Variants in COL24A1 observed in about 807,000 individuals in gnomAD.
The protein encoded by COL24A1 is collagen type XXIV alpha 1 chain.
A neutral mutation model predicts 253.9 loss-of-function variants in COL24A1; 224 were observed. That is an observed-to-expected ratio of 0.88 (90% confidence interval 0.79 to 0.99). The LOEUF is 0.99. COL24A1 is among the 50% of genes least tolerant of loss of function. COL24A1 has a pLI of 0.00. For synonymous variants in COL24A1, 685 were observed against 673.7 expected, an observed-to-expected ratio of 1.02 and a Z score of -0.26; for missense variants, 2,131 against 2,068.5, an observed-to-expected ratio of 1.03 and a Z score of -0.59.
At chr1:85,923,090 T>C (rs1194195155) in intron 24 of COL24A1, among the ~76,000 whole-genome samples, 1 of 152,018 alleles carries the variant, frequency 6.6e-6, no homozygotes, top group Non-Finnish European at 1.5e-5. Flanking sequence ...TACATAATGG[T>C]AAAGGGATCA....
intron 45 of COL24A1, 102 bp from the exon 46 acceptor site, chr1:85,818,189 C>T: frequency 4.8e-6 from 4 of 837,020 alleles, no homozygotes; most frequent in Non-Finnish European, 8.0e-6. Context: ...CAAGAACTAG[C>T]ACGAACTAGT....
At chr1:85,915,202 A>T (rs1276482866) in intron 24 of COL24A1, among the ~76,000 whole-genome samples, 1 of 152,208 alleles carries the variant, frequency 6.6e-6, no homozygotes, top group Non-Finnish European at 1.5e-5. Context: ...TCTCCATCTG[A>T]CTGCTTAGGC....
chr1:86,073,049 G>A (rs188336611), intron 7 of COL24A1, among the ~76,000 whole-genome samples: 221 of 152,124 alleles, frequency 1.5e-3, no homozygotes, highest in African/African-American at 4.8e-3. Flanking sequence ...AGAAAATTCC[G>A]AAAACCAGAA....
At chr1:85,881,382 G>T (rs1199788676) in intron 32 of COL24A1, among the ~76,000 whole-genome samples, 1 of 151,974 alleles carries the variant, frequency 6.6e-6, no homozygotes, top group Non-Finnish European at 1.5e-5. Context: ...ATATTGGGAG[G>T]CCGAGGCGGG....
chr1:86,091,574 T>G (rs1299490778), intron 6 of COL24A1, among the ~76,000 whole-genome samples: 1 of 152,146 alleles, frequency 6.6e-6, no homozygotes, highest in Non-Finnish European at 1.5e-5. Flanking sequence ...GATGTCCTCC[T>G]AAGACTCCAT....
intron 18 of COL24A1, among the ~76,000 whole-genome samples, chr1:86,018,415 G>T (rs893744134): frequency 1.3e-5 from 2 of 152,168 alleles, no homozygotes; most frequent in African/African-American, 4.8e-5. Context: ...ATCAGAATCA[G>T]TATACTGAAG....
At chr1:85,958,453 T>A (rs1203539817) in intron 24 of COL24A1, among the ~76,000 whole-genome samples, 3 of 152,134 alleles carry the variant, frequency 2.0e-5, no homozygotes, top group Non-Finnish European at 4.4e-5. Context: ...GACTGTAAAT[T>A]CCATGAAGGT....
intron 53 of COL24A1, among the ~76,000 whole-genome samples, chr1:85,772,910 T>C (rs1668129520): frequency 1.3e-5 from 2 of 152,208 alleles, no homozygotes; most frequent in African/African-American, 4.8e-5. Context: ...TTTGTTGTCA[T>C]TGCTTTTGGT....
intron 24 of COL24A1, among the ~76,000 whole-genome samples, chr1:85,914,785 A>G (rs1197958823): frequency 6.6e-6 from 1 of 152,220 alleles, no homozygotes; most frequent in African/African-American, 2.4e-5. Flanking sequence ...GTTACAGGTT[A>G]TAAAGGAGAA....
intron 18 of COL24A1, among the ~76,000 whole-genome samples, chr1:86,019,544 G>A (rs1358155696): frequency 2.7e-5 from 4 of 148,640 alleles, no homozygotes; most frequent in South Asian, 4.3e-4. Flanking sequence ...AGCAACAGAG[G>A]GAGGCCCTGT....
intron 18 of COL24A1, among the ~76,000 whole-genome samples, chr1:86,019,517 C>T (rs994983277): frequency 6.6e-6 from 1 of 151,758 alleles, no homozygotes; most frequent in Admixed American, 6.6e-5. Flanking sequence ...GTGATGGCAC[C>T]ATTACACTCT....
intron 32 of COL24A1, among the ~76,000 whole-genome samples, chr1:85,888,376 T>C (rs530337961): frequency 6.6e-6 from 1 of 152,226 alleles, no homozygotes; most frequent in Non-Finnish European, 1.5e-5. Flanking sequence ...ATGTTGGCAA[T>C]AGCCCTCATA....
At chr1:86,148,171 G>C (rs138063622) in intron 1 of COL24A1, among the ~76,000 whole-genome samples, 1 of 150,500 alleles carries the variant, frequency 6.6e-6, no homozygotes, top group East Asian at 2.0e-4. Flanking sequence ...GGGGAGTTTT[G>C]TTTTGTTTTT....
At chr1:85,981,965 CT>C (rs1323170867) in intron 20 of COL24A1, among the ~76,000 whole-genome samples, 1 of 152,088 alleles carries the variant, frequency 6.6e-6, no homozygotes, top group Non-Finnish European at 1.5e-5. Flanking sequence ...GATATTTGCA[CT>C]GCTAGGTTCA....
intron 53 of COL24A1, among the ~76,000 whole-genome samples, chr1:85,768,624 T>G (rs773442445): frequency 1.4e-4 from 22 of 151,930 alleles, no homozygotes; most frequent in Non-Finnish European, 1.6e-4. Context: ...TTATGTAGAA[T>G]CACACATATT....
At position 85,784,189 on chromosome 1, in the gene COL24A1, A is replaced by G. The variant is rs370371103; in HGVS notation, c.4168-23T>C. 6 of 1,612,526 alleles carry G rather than the reference A, an allele frequency of 3.7e-6. No homozygotes were observed. The African/African-American group carries it at 8.0e-5, about 22-fold the overall frequency. ...TCCCTGCAAAGTGAATTGACATGAT[A>G]ATAATTATTGTACAATGGCAGCCTG... On this transcript the variant is annotated intron_variant, in intron 49 of 59. Transcript: ENST00000370571.
intron 10 of COL24A1, among the ~76,000 whole-genome samples, chr1:86,056,653 A>G (rs1290103431): frequency 1.8e-4 from 28 of 152,108 alleles, no homozygotes. Context: ...CAGGGGTTTG[A>G]GAGCAGCCTG....
intron 3 of COL24A1, 57 bp from the exon 4 acceptor site, chr1:86,115,435 C>T (rs2102186069): frequency 5.3e-6 from 8 of 1,514,984 alleles, no homozygotes; most frequent in East Asian, 2.3e-5. Context: ...TATTTTCTTA[C>T]GAGTCTGAAT....
At chr1:85,980,600 TA>T (rs1174009431) in intron 20 of COL24A1, among the ~76,000 whole-genome samples, 1 of 152,022 alleles carries the variant, frequency 6.6e-6, no homozygotes, top group African/African-American at 2.4e-5. Flanking sequence ...AAATAAAAAA[TA>T]AAATACTTAG....
Sources: gnomAD v4.1 joint callset for allele counts (sites outside exome capture counted in the v4.1 genomes callset) on GRCh38, gnomAD v4.1.1 for gene constraint, MANE v1.5 for transcripts, NCBI Gene and HGNC (gene_info 2026-07-23, HGNC 2026-07-21) for gene names.